PPP1R16A: variants seen among roughly 807,000 people sequenced by gnomAD.
PPP1R16A encodes the protein protein phosphatase 1 regulatory subunit 16A.
In PPP1R16A, 39 loss-of-function variants were observed where a neutral mutation model predicts 46.6. The ratio of observed to expected loss-of-function variants is 0.84; its 90% CI spans 0.65 to 1.09. The LOEUF (loss-of-function observed/expected upper bound fraction) is 1.09, where lower values mean the gene tolerates loss of function less well. Ranked by LOEUF, PPP1R16A falls within the 50% of genes least tolerant of loss-of-function variation. PPP1R16A has a pLI of 0.00. For missense variants in PPP1R16A, 798 were observed against 735.6 expected (o/e 1.08, Z -0.98); for synonymous variants, 413 against 321.5 (o/e 1.28, Z -3.04).
chr8:144,500,010 G>A (rs1398778561), intron 5 of PPP1R16A, 86 bp from the exon 6 acceptor site: 2 of 1,409,256 alleles, frequency 1.4e-6, no homozygotes, highest in Non-Finnish European at 1.9e-6. Flanking sequence ...CTGGGCTGAG[G>A]GGCCCTGGCG....
intron 5 of PPP1R16A, chr8:144,499,523 CTG>C (rs1437837804): frequency 5.3e-6 from 1 of 188,980 alleles, no homozygotes; most frequent in African/African-American, 2.3e-5. Flanking sequence ...CTCCAGGCAT[CTG>C]TAGTGGGAGA....
At position 144,498,972 on chromosome 8, in the gene PPP1R16A, C is replaced by T; in HGVS notation, c.387C>T (p.Asn129=). ...MVQQLLEAGA[N]INACDSECWT... is the part of the protein sequence containing the mutation. ...AGCAGCTCCTGGAGGCTGGGGCCAA[C>T]ATCAATGCCTGTGACAGTGAGTGCT... Residue 129 remains asparagine, a synonymous_variant, in exon 5 of 12, where the codon AAC becomes AAT. Transcript: ENST00000435887. 1 of 1,612,132 alleles carries T rather than the reference C, an allele frequency of 6.2e-7. No individual in the cohort carries two copies. The highest frequency in any genetic ancestry group is 8.5e-7 in the Non-Finnish European group (1 of 1,179,642).
Position 144,496,713 on chromosome 8 carries a change from C to T in PPP1R16A, c.-482C>T. On this transcript the variant is annotated 5_prime_UTR_variant, in exon 3 of 12. Transcript: ENST00000435887. ...CTGCTCCCAGGCCCCACCCAGGCTC[C>T]TGAGCCTAGAAGGTGAAAAGAGGAC... 1 of 204,212 alleles carries T rather than the reference C, an allele frequency of 4.9e-6. No individual in the cohort carries two copies. The highest frequency in any genetic ancestry group is 1.0e-5 in the Non-Finnish European group (1 of 99,164). The allele number at this position is 204,212 out of a possible 1,614,324, so 12.7% of individuals were successfully genotyped here.
rs1247906676 is a variant in PPP1R16A, at chr8:144,501,533, A to G, written c.1217A>G (p.Glu406Gly). ...CACTGCCCGCAGGAGGACAACCCCG[A>G]AGTGGTCAGGCCGCACAATGGCCGA... ...RPPPPEEDNP[E>G]VVRPHNGRVG... Residue 406 changes from glutamate to glycine, a missense_variant, in exon 12 of 12, where the codon GAA (glutamate) becomes GGA (glycine). By Grantham distance (98) the Glu-to-Gly change is moderately conservative (BLOSUM62 -2). Transcript: ENST00000435887. 3 of 1,568,620 alleles carry G rather than the reference A, an allele frequency of 1.9e-6. No individual in the cohort carries two copies. In the African/African-American group the frequency reaches 4.1e-5, roughly 21 times the overall value.
At chr8:144,499,346 T>G in intron 5 of PPP1R16A, 1 of 465,306 alleles carries the variant, frequency 2.1e-6, no homozygotes, top group Non-Finnish European at 3.8e-6. Flanking sequence ...TCTTGGTCAG[T>G]GAGGAGGGCA....
At chr8:144,485,719 CTG>C (rs1435637233) in intron 1 of PPP1R16A, among the ~76,000 whole-genome samples, 4 of 151,938 alleles carry the variant, frequency 2.6e-5, no homozygotes, top group African/African-American at 9.7e-5. Context: ...ATGTGTCTAC[CTG>C]TGTGTGTGTG....
intron 1 of PPP1R16A, among the ~76,000 whole-genome samples, chr8:144,482,582 G>A (rs907682793): frequency 6.6e-6 from 1 of 151,142 alleles, no homozygotes; most frequent in African/African-American, 2.4e-5. Context: ...AACCTCCCGG[G>A]TTTAAGCAGT....
Position 144,501,505 on chromosome 8 carries a change from C to T in PPP1R16A, c.1204-15C>T. ...AGGAGCCTCCTGATGGCTCTGGGAC[C>T]TTCACTGCCCGCAGGAGGACAACCC... On this transcript the variant is annotated splice_polypyrimidine_tract_variant and intron_variant, in intron 11 of 11. Transcript: ENST00000435887. 1.3e-6 allele frequency: 2 copies of T among 1,526,728 alleles called. No individual in the cohort carries two copies. The highest frequency in any genetic ancestry group is 1.3e-5 in the South Asian group (1 of 78,652). The allele number at this position is 1,526,728 out of a possible 1,614,324, so 94.6% of individuals were successfully genotyped here.
At position 144,499,312 on chromosome 8, in the gene PPP1R16A, C is replaced by T. The variant is rs1180075133; in HGVS notation, c.476+251C>T. ...CCGAGAGGGCAGGCCTCGGGCCCCC[C>T]CCCAGAGTGTGCACAGAGAAATGTC... On this transcript the variant is annotated intron_variant, in intron 5 of 11. Coordinates refer to ENST00000435887, the MANE Select transcript of PPP1R16A (RefSeq NM_001329443.2). The T allele has an allele frequency of 1.1e-5, 6 of 547,020 alleles. No individual in the cohort carries two copies. In the East Asian group the frequency reaches 1.5e-4, roughly 14 times the overall value. 33.9% of individuals were successfully genotyped at this position (547,020 alleles called of 1,614,324 possible). A position where few individuals can be genotyped will look rare whatever the true frequency, so the allele number is the denominator to read the frequency against.
chr8:144,493,946 G>C lies in PPP1R16A; in HGVS notation c.-734-2515G>C, dbSNP rs111830432. On this transcript the variant is annotated intron_variant, in intron 2 of 11. Coordinates refer to ENST00000435887, the MANE Select transcript of PPP1R16A (RefSeq NM_001329443.2). This position sits in a 1 kb window ranked among gnomAD's most constrained non-coding sequence, Gnocchi z 4.3. ...CCTCCCTCTGCAGCCAGGGGGACTG[G>C]GGGGGTTCCCACTGTCCAGCTGCTG... is the stretch of plus-strand genomic sequence containing the variant. 0.082 allele frequency among the ~76,000 whole-genome samples: 12,514 copies of C among 152,170 alleles called. 734 individuals are homozygous for C. The highest frequency in any genetic ancestry group is 0.15 in the Middle Eastern group (43 of 294).
intron 2 of PPP1R16A, among the ~76,000 whole-genome samples, chr8:144,494,948 G>T (rs1433797579): frequency 6.6e-6 from 1 of 152,180 alleles, no homozygotes; most frequent in Non-Finnish European, 1.5e-5. Context: ...TCTCTAGAGG[G>T]CAAGGGGAGG....
At chr8:144,498,565 G>A (rs1156691418) in intron 3 of PPP1R16A, 2 of 556,976 alleles carry the variant, frequency 3.6e-6, no homozygotes, top group Non-Finnish European at 6.3e-6. Flanking sequence ...CCTGCAGGTG[G>A]GTGGAGGCAG....
chr8:144,480,275 AG>A (rs754995780), intron 1 of PPP1R16A, among the ~76,000 whole-genome samples: 26 of 152,216 alleles, frequency 1.7e-4, no homozygotes, highest in Admixed American at 1.3e-4. Context: ...GTGAAGGGCT[AG>A]GCAGCAAACA....
intron 11 of PPP1R16A, 101 bp from the exon 12 acceptor site, chr8:144,501,419 C>T (rs975084145): frequency 1.4e-6 from 2 of 1,478,670 alleles, no homozygotes; most frequent in Non-Finnish European, 9.0e-7. Context: ...AGCTTTTGCC[C>T]CATCTCTCCT....
intron 2 of PPP1R16A, chr8:144,496,109 G>C (rs1027447189): frequency 6.6e-6 from 1 of 152,238 alleles, no homozygotes; most frequent in Admixed American, 6.5e-5. Context: ...GCTGTTCCAC[G>C]AGACCTCACC....
Position 144,498,898 on chromosome 8 carries a change from A to T in PPP1R16A, c.331-18A>T. ...GCTGGCCCCCGTGCTCTGGTCGCTC[A>T]CGTGGCACGGTTTGCAGTGCTGCAT... is the stretch of plus-strand genomic sequence containing the variant. On this transcript the variant is annotated intron_variant, in intron 4 of 11. Coordinates refer to ENST00000435887, the MANE Select transcript of PPP1R16A (RefSeq NM_001329443.2). The T allele has an allele frequency of 6.2e-7, 1 of 1,612,690 alleles. No homozygotes were observed. Among genetic ancestry groups the T allele is most frequent in the Non-Finnish European group, 8.5e-7 (1 of 1,179,744 alleles).
chr8:144,497,160 G>T lies in PPP1R16A; in HGVS notation c.-35G>T, dbSNP rs760138845. 1.8e-5 allele frequency: 27 copies of T among 1,541,934 alleles called. No individual in the cohort carries two copies. The highest frequency in any genetic ancestry group is 2.3e-4 in the Middle Eastern group (1 of 4,426). ...TGGCCCCCAAGCTCCCCACTCTGGT[G>T]CCCCGAGCAGCCCTGTGGGCAAGCA... On this transcript the variant is annotated 5_prime_UTR_variant, in exon 3 of 12. Coordinates refer to ENST00000435887, the MANE Select transcript of PPP1R16A (RefSeq NM_001329443.2).
chr8:144,484,081 C>A (rs1444591512), intron 1 of PPP1R16A, among the ~76,000 whole-genome samples: 1 of 152,234 alleles, frequency 6.6e-6, no homozygotes, highest in Non-Finnish European at 1.5e-5. Context: ...CCCCACACCT[C>A]TGTTGTCCTA....
chr8:144,497,913 G>A (rs1032297602), intron 3 of PPP1R16A: 6 of 400,308 alleles, frequency 1.5e-5, no homozygotes, highest in Admixed American at 2.7e-5. Flanking sequence ...CAGGCACAGA[G>A]CTATGCAGGT....
Sources: allele counts gnomAD v4.1 joint callset (sites outside exome capture counted in the v4.1 genomes callset), GRCh38; gene constraint gnomAD v4.1.1; non-coding constraint Gnocchi (gnomAD v3.1); transcripts MANE v1.5; gene names NCBI Gene and HGNC (gene_info 2026-07-23, HGNC 2026-07-21).